Variants in NUP210L observed in about 807,000 individuals in gnomAD.
NUP210L encodes the protein nucleoporin 210 like, also known as nuclear pore membrane glycoprotein 210-like.
NUP210L carries 74 observed loss-of-function variants against 208.5 expected under a neutral mutation model. That is an observed-to-expected ratio of 0.35 (90% CI 0.29 to 0.43). The LOEUF (loss-of-function observed/expected upper bound fraction) is 0.43, where lower values mean the gene tolerates loss of function less well. Ranked by LOEUF, NUP210L falls within the 20% of genes least tolerant of loss-of-function variation. NUP210L has a pLI of 1.00. For synonymous variants in NUP210L, 780 were observed against 816.9 expected, an observed-to-expected ratio of 0.95 and a Z score of 0.77; for missense variants, 1,843 against 2,289.4, an observed-to-expected ratio of 0.81 and a Z score of 3.98.
At chr1:153,996,063 C>G (rs576603694) in intron 37 of NUP210L, 114 of 330,778 alleles carry the variant, frequency 3.4e-4, no homozygotes, top group African/African-American at 2.4e-3. Context: ...GAGGCCAAGG[C>G]GGGTGGATCA....
At chr1:154,096,539 T>C (rs1656188943) in intron 14 of NUP210L, among the ~76,000 whole-genome samples, 2 of 151,926 alleles carry the variant, frequency 1.3e-5, no homozygotes, top group African/African-American at 4.8e-5. Context: ...GGTGGGTGGA[T>C]CACTTAAGGT....
intron 35 of NUP210L, among the ~76,000 whole-genome samples, chr1:154,005,971 C>A (rs1650500957): frequency 6.6e-6 from 1 of 152,034 alleles, no homozygotes; most frequent in South Asian, 2.1e-4. Context: ...ATCTGCCCAC[C>A]TCAGTCTCCC....
intron 16 of NUP210L, among the ~76,000 whole-genome samples, chr1:154,073,401 C>T (rs1654865131): frequency 6.6e-6 from 1 of 152,038 alleles, no homozygotes; most frequent in Admixed American, 6.6e-5. Context: ...TGGTGTGCAC[C>T]TGTAGTCGCA....
intron 25 of NUP210L, among the ~76,000 whole-genome samples, chr1:154,048,244 A>G (rs1173279769): frequency 6.6e-6 from 1 of 152,102 alleles, no homozygotes; most frequent in Non-Finnish European, 1.5e-5. Flanking sequence ...CTGGGCAAAA[A>G]GTAGTTGCCC....
intron 2 of NUP210L, among the ~76,000 whole-genome samples, chr1:154,150,597 G>A (rs1276292540): frequency 6.7e-6 from 1 of 149,842 alleles, no homozygotes; most frequent in African/African-American, 2.5e-5. Flanking sequence ...GCGTGGTGGC[G>A]CATGCCTGTA....
At chr1:154,070,823 A>T (rs1416342173) in intron 16 of NUP210L, among the ~76,000 whole-genome samples, 1 of 152,202 alleles carries the variant, frequency 6.6e-6, no homozygotes, top group East Asian at 1.9e-4. Flanking sequence ...AAGAAACAGG[A>T]TATCACACAC....
At chr1:154,043,928 C>T (rs1653033528) in intron 27 of NUP210L, among the ~76,000 whole-genome samples, 1 of 151,990 alleles carries the variant, frequency 6.6e-6, no homozygotes, top group Non-Finnish European at 1.5e-5. Context: ...TTGCCCATTT[C>T]ATTACCCAAT....
chr1:154,146,116 TA>T (rs1558009445), intron 2 of NUP210L, among the ~76,000 whole-genome samples: 1 of 151,954 alleles, frequency 6.6e-6, no homozygotes, highest in Non-Finnish European at 1.5e-5. Flanking sequence ...CTCATAGAAC[TA>T]AAAAGTAAGA....
At chr1:154,112,174 G>A (rs1195494531) in intron 12 of NUP210L, among the ~76,000 whole-genome samples, 1,589 of 151,064 alleles carry the variant, frequency 0.011, 38 homozygotes, top group African/African-American at 0.038. Context: ...TGATCTGCCT[G>A]CCTCAGCCTC....
At position 154,075,787 on chromosome 1, in the gene NUP210L, CT is replaced by C. The variant is rs541105524; in HGVS notation, c.2362-5323del. 2.2e-3 allele frequency among the ~76,000 whole-genome samples: 320 copies of C among 144,460 alleles called. 2 individuals carry two copies. The highest frequency in any genetic ancestry group is 2.3e-3 in the Non-Finnish European group (149 of 65,296). The allele number at this position is 144,460 out of a possible 152,430, so 94.8% of individuals were successfully genotyped here. A position where few individuals can be genotyped will look rare whatever the true frequency, so the allele number is the denominator to read the frequency against. ...CATTGAGCTTACAAGGCAAATACTT[CT>C]TTTTTTTTTTTCCTTTTTTGAGATG... On this transcript the variant is annotated intron_variant, in intron 16 of 39. Coordinates refer to ENST00000368559, the Ensembl canonical transcript of NUP210L.
intron 10 of NUP210L, among the ~76,000 whole-genome samples, chr1:154,120,942 A>G (rs2148104915): frequency 6.6e-6 from 1 of 151,620 alleles, no homozygotes; most frequent in African/African-American, 2.4e-5. Flanking sequence ...ATTTATAAAT[A>G]TGTACTTTAA....
intron 6 of NUP210L, among the ~76,000 whole-genome samples, chr1:154,136,493 T>C (rs1432235617): frequency 2.0e-5 from 3 of 151,160 alleles, no homozygotes; most frequent in Non-Finnish European, 2.9e-5. Context: ...AATATATATA[T>C]ACAGAGAGAG....
intron 12 of NUP210L, among the ~76,000 whole-genome samples, chr1:154,106,415 C>G (rs901259583): frequency 1.3e-5 from 2 of 152,156 alleles, no homozygotes; most frequent in African/African-American, 4.8e-5. Context: ...TGAACCTGCC[C>G]TGGGCTGGTG....
intron 16 of NUP210L, among the ~76,000 whole-genome samples, chr1:154,087,920 G>A (rs892081701): frequency 4.6e-5 from 7 of 152,180 alleles, no homozygotes; most frequent in African/African-American, 1.2e-4. Context: ...TGGGGTTGCC[G>A]GGGCTAGGAA....
chr1:154,095,395 C>T (rs374740089), intron 14 of NUP210L, among the ~76,000 whole-genome samples: 71 of 152,268 alleles, frequency 4.7e-4, no homozygotes, highest in African/African-American at 1.7e-3. Context: ...TCATTCTAGA[C>T]CACACCACTT....
chr1:154,109,420 T>C (rs1267680536), intron 12 of NUP210L, among the ~76,000 whole-genome samples: 2 of 151,616 alleles, frequency 1.3e-5, no homozygotes, highest in African/African-American at 4.9e-5. Context: ...TTAAGAGAGC[T>C]ATAGACCTCA....
intron 27 of NUP210L, among the ~76,000 whole-genome samples, chr1:154,042,553 A>C (rs1652944369): frequency 6.6e-6 from 1 of 151,750 alleles, no homozygotes; most frequent in African/African-American, 2.4e-5. Context: ...CAGCCTCCTC[A>C]GTAGCTGGGA....
chr1:154,103,941 T>C, intron 13 of NUP210L, 71 bp downstream of exon 13: 4 of 1,183,662 alleles, frequency 3.4e-6, no homozygotes, highest in Non-Finnish European at 4.8e-6. Flanking sequence ...GAAAGTAATC[T>C]GTCACAGTGG....
At chr1:154,063,158 G>T (rs953878804) in intron 17 of NUP210L, among the ~76,000 whole-genome samples, 2 of 152,152 alleles carry the variant, frequency 1.3e-5, no homozygotes, top group African/African-American at 4.8e-5. Flanking sequence ...GCAATACAGT[G>T]TGATAAGTGC....
Sources: gnomAD v4.1 joint callset for allele counts (sites outside exome capture counted in the v4.1 genomes callset) on GRCh38, gnomAD v4.1.1 for gene constraint, MANE v1.5 for transcripts, NCBI Gene and HGNC (gene_info 2026-07-23, HGNC 2026-07-21) for gene names.